PFKL: variants seen among roughly 807,000 people sequenced by gnomAD.
PFKL encodes the protein phosphofructokinase, liver type.
Under a neutral mutation model 92.1 loss-of-function variants are expected in PFKL, and 74 were observed. The observed-to-expected ratio is 0.80, with a 90% confidence interval of 0.67 to 0.97. PFKL has a LOEUF of 0.97. Ranked by LOEUF, PFKL falls within the 50% of genes least tolerant of loss-of-function variation. PFKL has a pLI of 0.00. For synonymous variants in PFKL, 494 were observed against 456.4 expected (o/e 1.08, Z -1.05); for missense variants, 1,028 against 1,116.6 (o/e 0.92, Z 1.13).
chr21:44,317,856 A>T (rs2047250238), intron 9 of PFKL, among the ~76,000 whole-genome samples: 1 of 152,198 alleles, frequency 6.6e-6, no homozygotes, highest in Admixed American at 6.5e-5. Flanking sequence ...CAAGATGAAA[A>T]AACCTGTGTG....
At chr21:44,310,891 AG>A (rs2047022326) in intron 2 of PFKL, 114 bp from the exon 3 acceptor site, 13 of 733,560 alleles carry the variant, frequency 1.8e-5, no homozygotes, top group Non-Finnish European at 1.2e-5. Context: ...GGGGCCTCAC[AG>A]TCAGCACCCT....
chr21:44,323,185 C>G (rs2047403811), intron 15 of PFKL, 136 bp downstream of exon 15: 2 of 675,190 alleles, frequency 3.0e-6, no homozygotes, highest in Non-Finnish European at 5.0e-6. Flanking sequence ...GTTTTAAGTG[C>G]TGTGTGTGGG....
At chr21:44,324,069 G>C (rs1400271761) in intron 16 of PFKL, 151 bp downstream of exon 16, 3 of 853,120 alleles carry the variant, frequency 3.5e-6, no homozygotes, top group Non-Finnish European at 5.4e-6. Flanking sequence ...GGGTGAAGGG[G>C]CTCAGCTCCC....
chr21:44,311,111 T>G, intron 3 of PFKL, 28 bp downstream of exon 3: 1 of 1,588,370 alleles, frequency 6.3e-7, no homozygotes, highest in Non-Finnish European at 8.6e-7. Context: ...GGATGCATGT[T>G]GCACTTGGAC....
Position 44,323,015 on chromosome 21 carries a change from G to A in PFKL, c.1463G>A (p.Gly488Asp). 2 of 1,613,344 alleles carry A rather than the reference G, an allele frequency of 1.2e-6. No individual in the cohort carries two copies. Among genetic ancestry groups the A allele is most frequent in the Non-Finnish European group, 1.7e-6 (2 of 1,179,776 alleles). ...ESIVENIRIY[G>D]IHALLVVGGF... ...ATTGTGGAGAACATCCGCATCTATGGTATTCACGCCCTGCTGGTGGTCGGT... is the reference window on the plus strand; with the variant it reads ...ATTGTGGAGAACATCCGCATCTATGATATTCACGCCCTGCTGGTGGTCGGT... The change falls in exon 15 of 22, where the codon GGT (glycine) becomes GAT (aspartate). Residue 488 changes from glycine (G) to aspartate (D), a missense_variant. By Grantham distance (94) the Gly-to-Asp change is moderately conservative. Coordinates refer to ENST00000349048, the MANE Select transcript of PFKL (RefSeq NM_002626.6).
At chr21:44,326,342 G>A (rs4818906) in intron 21 of PFKL, 78 bp downstream of exon 21, 880,188 of 1,111,642 alleles carry the variant, frequency 0.79, 351,342 homozygotes, top group South Asian at 0.87. Flanking sequence ...GGTGTGCCAG[G>A]CCCAGCCCCA....
intron 1 of PFKL, among the ~76,000 whole-genome samples, chr21:44,303,455 A>C: frequency 7.6e-6 from 1 of 131,276 alleles, no homozygotes; most frequent in East Asian, 2.2e-4. Flanking sequence ...AAAAAAAAAA[A>C]TGGCCCGGCC....
chr21:44,311,241 T>TGTGCACACACACAGATGC (rs1602013060), intron 3 of PFKL, among the ~76,000 whole-genome samples, 158 bp downstream of exon 3: 2 of 147,426 alleles, frequency 1.4e-5, no homozygotes, highest in African/African-American at 5.0e-5. Flanking sequence ...CACACACAGA[T>TGTGCACACACACAGATGC]GTGCACACAC....
Position 44,300,195 on chromosome 21 carries a change from G to A in PFKL, c.85+5G>A. On this transcript the variant is annotated splice_donor_5th_base_variant and intron_variant, in intron 1 of 21. Coordinates refer to ENST00000349048, the MANE Select transcript of PFKL (RefSeq NM_002626.6). ...CCAGCGGCGGCGACGCGCAAGGTGG[G>A]CGGGGGTCCCGGCCGCGTCGCGGCG... is the stretch of plus-strand genomic sequence containing the variant. 26 of 1,106,244 alleles carry A rather than the reference G, an allele frequency of 2.4e-5. No individual in the cohort carries two copies. Among genetic ancestry groups the A allele is most frequent in the Non-Finnish European group, 2.9e-5 (26 of 906,104 alleles). 68.5% of individuals were successfully genotyped at this position (1,106,244 alleles called of 1,614,324 possible).
At chr21:44,317,239 G>A (rs958221306) in intron 9 of PFKL, among the ~76,000 whole-genome samples, 1 of 152,218 alleles carries the variant, frequency 6.6e-6, no homozygotes, top group Admixed American at 6.5e-5. Context: ...AGACAGGTGG[G>A]ACTTGTGCTG....
At chr21:44,324,002 G>C (rs1458921764) in intron 16 of PFKL, 84 bp downstream of exon 16, 5 of 1,522,204 alleles carry the variant, frequency 3.3e-6, no homozygotes, top group Middle Eastern at 1.8e-4. Flanking sequence ...GGAGGGGATA[G>C]TGTGTGGTGA....
chr21:44,324,658 G>GAGCCA lies in PFKL; in HGVS notation c.1815+7_1815+8insAAGCC, dbSNP rs1446448302. 1.3e-6 allele frequency: 2 copies of GAGCCA among 1,582,288 alleles called. No homozygotes were observed. Among genetic ancestry groups the GAGCCA allele is most frequent in the African/African-American group, 2.7e-5 (2 of 74,484 alleles). ...CTTTCAACATCCACGACTTAAAGGT[G>GAGCCA]AGCCCAGCCCAGCCCCTGCTGCGGC... On this transcript the variant is annotated splice_donor_region_variant and intron_variant, in intron 17 of 21. Coordinates refer to ENST00000349048, the MANE Select transcript of PFKL (RefSeq NM_002626.6).
At position 44,326,728 on chromosome 21, in the gene PFKL, C is replaced by T. The variant is rs118106526; in HGVS notation, c.2209C>T (p.Arg737Trp). Reference sequence around the variant, plus strand: ...CGTCCTGCACAGGCACCGCATGCCACGGGAGCAGTGGTGGCTGAGCCTGCG... The same window carrying T: ...CGTCCTGCACAGGCACCGCATGCCATGGGAGCAGTGGTGGCTGAGCCTGCG... ...KDTDFEHRMP[R>W]EQWWLSLRLM... The change falls in exon 22 of 22, where the codon CGG becomes TGG. Residue 737 changes from arginine (R) to tryptophan (W), a missense_variant. Arg to Trp is a moderately radical substitution (Grantham distance 101, BLOSUM62 -3). Coordinates refer to ENST00000349048, the MANE Select transcript of PFKL (RefSeq NM_002626.6). The T allele has an allele frequency of 1.9e-3, 3,009 of 1,611,954 alleles. 8 individuals are homozygous for T. The highest frequency in any genetic ancestry group is 2.3e-3 in the Non-Finnish European group (2,735 of 1,179,496).
chr21:44,308,084 G>A lies in PFKL; in HGVS notation c.159+1330G>A, dbSNP rs114232507. On this transcript the variant is annotated intron_variant, in intron 2 of 21. Transcript: ENST00000349048. ...GAGGGGTACAGGGACGCAGCGTGAG[G>A]CCCTCGGAGGTGGGGGAATGCAGGA... 6.9e-3 allele frequency among the ~76,000 whole-genome samples: 1,046 copies of A among 152,308 alleles called. 14 individuals carry two copies. The highest frequency in any genetic ancestry group is 0.023 in the African/African-American group (969 of 41,562).
At chr21:44,319,987 G>A in intron 11 of PFKL, 97 bp from the exon 12 acceptor site, 1 of 1,093,716 alleles carries the variant, frequency 9.1e-7, no homozygotes, top group South Asian at 1.3e-5. Flanking sequence ...CGGGCCGTGT[G>A]CCTGTGACCA....
Position 44,313,902 on chromosome 21 carries a change from C to A in PFKL, c.639-11C>A. 1 of 1,570,864 alleles carries A rather than the reference C, an allele frequency of 6.4e-7. No individual in the cohort carries two copies. The highest frequency in any genetic ancestry group is 8.6e-7 in the Non-Finnish European group (1 of 1,159,300). ...TGGGGGTCCTGAGCAGGCAGGCGCT[C>A]GCTCCTCCAGGTACCTGGCGCTGGT... On this transcript the variant is annotated splice_polypyrimidine_tract_variant and intron_variant, in intron 6 of 21. Coordinates refer to ENST00000349048, the MANE Select transcript of PFKL (RefSeq NM_002626.6).
rs534146859 is a variant in PFKL at position 44,323,970 on chromosome 21, G to T, written c.1650+52G>T. ...CCATGCCCAGGCCCTTGTGGGGTGG[G>T]GCTGAGCCTACGGAGGCTGCTGGAG... On this transcript the variant is annotated intron_variant, in intron 16 of 21. Coordinates refer to ENST00000349048, the MANE Select transcript of PFKL (RefSeq NM_002626.6). 9.3e-6 allele frequency: 15 copies of T among 1,605,726 alleles called. No homozygotes were observed. In the South Asian group the frequency reaches 1.7e-4, roughly 18 times the overall value.
chr21:44,311,652 G>A (rs1003216636), intron 3 of PFKL, among the ~76,000 whole-genome samples: 13 of 152,204 alleles, frequency 8.5e-5, no homozygotes, highest in African/African-American at 3.1e-4. Flanking sequence ...ACCTGGAGAC[G>A]TGGCCGTGCT....
chr21:44,300,566 G>A (rs1039466815), intron 1 of PFKL, among the ~76,000 whole-genome samples: 1 of 152,180 alleles, frequency 6.6e-6, no homozygotes, highest in African/African-American at 2.4e-5. Flanking sequence ...GCGACCCGGG[G>A]ACCCGGTGCC....
Sources: gnomAD v4.1 joint callset for allele counts (sites outside exome capture counted in the v4.1 genomes callset) on GRCh38, gnomAD v4.1.1 for gene constraint, MANE v1.5 for transcripts, NCBI Gene and HGNC (gene_info 2026-07-23, HGNC 2026-07-21) for gene names.